Variants in BRINP1 observed in about 807,000 individuals in gnomAD.
BRINP1 encodes the protein BMP/retinoic acid inducible neural specific 1.
Under a neutral mutation model 72.9 loss-of-function variants are expected in BRINP1, and 17 were observed. The ratio of observed to expected loss-of-function variants is 0.23; its 90% confidence interval spans 0.16 to 0.35. The LOEUF is 0.35. BRINP1 is among the 10% of genes least tolerant of loss of function. The pLI is 1.00. For synonymous variants in BRINP1, 418 were observed against 378.5 expected, an observed-to-expected ratio of 1.10 and a Z score of -1.21; for missense variants, 850 against 1,001.6, an observed-to-expected ratio of 0.85 and a Z score of 2.04.
intron 2 of BRINP1, among the ~76,000 whole-genome samples, chr9:119,270,346 C>T (rs1238749472): frequency 6.6e-6 from 1 of 152,156 alleles, no homozygotes; most frequent in Non-Finnish European, 1.5e-5. Context: ...TTACAAAGAT[C>T]ACCCCGTGTT....
In BRINP1 at chr9:119,278,470, T is replaced by C. The variant is rs1245693130; in HGVS notation, c.219-29320A>G. On this transcript the variant is annotated intron_variant, in intron 2 of 7. Transcript: ENST00000265922. ...CATTTTCATGTTCCATAGATTCTAT[T>C]TGTGACTCTGCTCCAATGCGGGGAT... is the stretch of plus-strand genomic sequence containing the variant. 3.3e-5 allele frequency among the ~76,000 whole-genome samples: 5 copies of C among 152,216 alleles called. No individual in the cohort carries two copies. The East Asian group carries it at 7.7e-4, about 23-fold the overall frequency.
chr9:119,266,454 T>G (rs140940331), intron 2 of BRINP1, among the ~76,000 whole-genome samples: 125 of 152,344 alleles, frequency 8.2e-4, no homozygotes, highest in African/African-American at 2.9e-3. Context: ...TGTGGAATGC[T>G]CAAATCAAGC....
chr9:119,275,413 C>T lies in BRINP1; in HGVS notation c.219-26263G>A, dbSNP rs375085335. On this transcript the variant is annotated intron_variant, in intron 2 of 7. Transcript: ENST00000265922. The stretch of plus-strand genomic sequence containing the variant: ...CTGTTTATCTCTCTCCCTTTGACAC[C>T]GTCCATCACAGTGACCAGCACACAG... Among the ~76,000 whole-genome samples, 6 of 152,226 alleles carry T rather than the reference C, an allele frequency of 3.9e-5. 1 individual carries two copies. Among genetic ancestry groups the T allele is most frequent in the Admixed American group, 6.5e-5 (1 of 15,278 alleles).
intron 5 of BRINP1, among the ~76,000 whole-genome samples, chr9:119,234,772 T>C (rs1480180472): frequency 6.6e-6 from 1 of 152,192 alleles, no homozygotes; most frequent in Non-Finnish European, 1.5e-5. Flanking sequence ...TAGGAGAATA[T>C]GATACTTCCT....
intron 7 of BRINP1, among the ~76,000 whole-genome samples, chr9:119,179,430 G>A (rs1005080662): frequency 6.6e-6 from 1 of 152,164 alleles, no homozygotes; most frequent in African/African-American, 2.4e-5. Context: ...CTGATTGATT[G>A]ATAGGTACCC....
intron 2 of BRINP1, chr9:119,283,272 T>C: frequency 2.8e-6 from 2 of 720,556 alleles, no homozygotes; most frequent in Non-Finnish European, 3.4e-6. Context: ...GGCAGCTTGT[T>C]AGAAATGCAA....
chr9:119,210,629 C>T (rs191509109), intron 6 of BRINP1, among the ~76,000 whole-genome samples: 28 of 152,018 alleles, frequency 1.8e-4, no homozygotes, highest in Admixed American at 1.7e-3. Flanking sequence ...AAGGGCAATC[C>T]CGAGGCTCAG....
At chr9:119,177,168 T>C (rs1220142571) in intron 7 of BRINP1, among the ~76,000 whole-genome samples, 2 of 152,108 alleles carry the variant, frequency 1.3e-5, no homozygotes, top group Admixed American at 1.3e-4. Flanking sequence ...AGTTTTCATT[T>C]AAAAAAGGAA....
chr9:119,343,756 T>A (rs1333772485), intron 1 of BRINP1, among the ~76,000 whole-genome samples: 2 of 152,140 alleles, frequency 1.3e-5, no homozygotes, highest in Non-Finnish European at 2.9e-5. Flanking sequence ...AGAGGAAGTA[T>A]AATGTATAAT....
chr9:119,237,037 T>C (rs1490588782), intron 5 of BRINP1, among the ~76,000 whole-genome samples: 1 of 152,154 alleles, frequency 6.6e-6, no homozygotes, highest in Non-Finnish European at 1.5e-5. Context: ...AACGGGAGCA[T>C]GAATCAAAGA....
At chr9:119,168,610 A>T (rs1487784033) in intron 7 of BRINP1, among the ~76,000 whole-genome samples, 2 of 152,254 alleles carry the variant, frequency 1.3e-5, no homozygotes, top group African/African-American at 2.4e-5. Context: ...ATTGTAAACA[A>T]TCAGCAATGA....
At chr9:119,246,019 T>C (rs1219660421) in intron 3 of BRINP1, among the ~76,000 whole-genome samples, 1 of 152,202 alleles carries the variant, frequency 6.6e-6, no homozygotes, top group Non-Finnish European at 1.5e-5. Flanking sequence ...ACAAGAGTAG[T>C]AACATAGCAA....
At chr9:119,347,896 A>C (rs896606892) in intron 1 of BRINP1, among the ~76,000 whole-genome samples, 2 of 152,174 alleles carry the variant, frequency 1.3e-5, no homozygotes, top group African/African-American at 4.8e-5. Flanking sequence ...TCATATGCAT[A>C]GCATCCCCCA....
intron 2 of BRINP1, among the ~76,000 whole-genome samples, chr9:119,265,226 C>T (rs2118942138): frequency 6.6e-6 from 1 of 152,288 alleles, no homozygotes; most frequent in Admixed American, 6.5e-5. Flanking sequence ...GTCAGTGCTA[C>T]AGGATGTGTC....
At chr9:119,351,444 G>A (rs1193638144) in intron 1 of BRINP1, among the ~76,000 whole-genome samples, 1 of 151,646 alleles carries the variant, frequency 6.6e-6, no homozygotes, top group East Asian at 1.9e-4. Context: ...ATGGATGCCA[G>A]GTTTGAAAAA....
At position 119,293,716 on chromosome 9, in the gene BRINP1, T is replaced by G. The variant is rs527963348; in HGVS notation, c.218+19422A>C. On this transcript the variant is annotated intron_variant, in intron 2 of 7. Coordinates refer to ENST00000265922, the MANE Select transcript of BRINP1 (RefSeq NM_014618.3). ...TGAATTTTAAAGCATTGCATATAGA[T>G]AGTATATTTGAATAGGAGGTAGAAG... Among the ~76,000 whole-genome samples the G allele has an allele frequency of 5.3e-5, 8 of 152,184 alleles. No individual in the cohort carries two copies. In the South Asian group the frequency reaches 1.7e-3, roughly 32 times the overall value.
chr9:119,223,371 A>C (rs189422144), intron 5 of BRINP1, among the ~76,000 whole-genome samples: 51 of 152,166 alleles, frequency 3.4e-4, no homozygotes, highest in Middle Eastern at 3.4e-3. Context: ...TGGAGCTCTT[A>C]GTACAGGGTA....
intron 2 of BRINP1, among the ~76,000 whole-genome samples, chr9:119,290,860 C>T (rs1289997761): frequency 6.6e-6 from 1 of 152,158 alleles, no homozygotes; most frequent in Non-Finnish European, 1.5e-5. Flanking sequence ...CAGTGGCTCA[C>T]GCCTGTAATC....
chr9:119,365,565 C>A (rs1411830379), intron 1 of BRINP1, among the ~76,000 whole-genome samples: 1 of 152,112 alleles, frequency 6.6e-6, no homozygotes, highest in African/African-American at 2.4e-5. Context: ...GGTTGCAAAT[C>A]AAAAAATGTC....
Sources: gnomAD v4.1 joint callset for allele counts (sites outside exome capture counted in the v4.1 genomes callset) on GRCh38, gnomAD v4.1.1 for gene constraint, MANE v1.5 for transcripts, NCBI Gene and HGNC (gene_info 2026-07-23, HGNC 2026-07-21) for gene names.